Variants in GTF3C1 observed in about 807,000 individuals in gnomAD.
The protein encoded by GTF3C1 is general transcription factor 3C polypeptide 1.
In GTF3C1, 57 loss-of-function variants were observed where a neutral mutation model predicts 226.7. The ratio of observed to expected loss-of-function variants is 0.25; its 90% CI spans 0.20 to 0.31. The LOEUF is 0.31. Ranked by LOEUF, GTF3C1 falls within the 10% of genes least tolerant of loss-of-function variation. GTF3C1 has a pLI of 1.00. For synonymous variants in GTF3C1, 1,090 were observed against 1,084.8 expected, an observed-to-expected ratio of 1.00 and a Z score of -0.09; for missense variants, 2,217 against 2,776.1, an observed-to-expected ratio of 0.80 and a Z score of 4.53.
chr16:27,461,583 G>C lies in GTF3C1; in HGVS notation c.6118-21C>G, dbSNP rs1334981620. On this transcript the variant is annotated intron_variant, in intron 36 of 36. Transcript: ENST00000356183. The surrounding 1 kb of genome is among the most constrained non-coding windows in gnomAD (Gnocchi z 5.3). ...AGGCCCTGGAGACACCAGACACACA[G>C]GTTACAGCGGCACTGCCCTCGCCTG... The C allele has an allele frequency of 6.4e-7, 1 of 1,562,390 alleles. No homozygotes were observed. Among genetic ancestry groups the C allele is most frequent in the Non-Finnish European group, 8.8e-7 (1 of 1,134,420 alleles).
chr16:27,508,702 T>G (rs1327101333), intron 7 of GTF3C1, 47 bp from the exon 8 acceptor site: 1 of 1,399,024 alleles, frequency 7.1e-7, no homozygotes, highest in Non-Finnish European at 1.0e-6. Context: ...AAAGGAGCTG[T>G]TCTGCACAAG....
At chr16:27,528,232 A>T (rs1460777913) in intron 6 of GTF3C1, among the ~76,000 whole-genome samples, 1 of 152,190 alleles carries the variant, frequency 6.6e-6, no homozygotes. Flanking sequence ...CAGAGATCGC[A>T]CCACTGCACT....
Position 27,470,055 on chromosome 16 carries a change from G to A in GTF3C1, c.4814+53C>T, listed in dbSNP as rs1383099984. On this transcript the variant is annotated intron_variant, in intron 31 of 36. Transcript: ENST00000356183. The surrounding 1 kb of genome is among the most constrained non-coding windows in gnomAD (Gnocchi z 4.9). ...TGCTGACCCCTGCCCGTCTGTATCT[G>A]GCCAATGCCTAGCACGTGGCCAGAC... is the stretch of plus-strand genomic sequence containing the variant. The A allele has an allele frequency of 2.7e-6, 4 of 1,468,864 alleles. No homozygotes were observed. Among genetic ancestry groups the A allele is most frequent in the Non-Finnish European group, 3.8e-6 (4 of 1,065,366 alleles). 91.0% of individuals were successfully genotyped at this position (1,468,864 alleles called of 1,614,324 possible).
Position 27,491,935 on chromosome 16 carries a change from C to T in GTF3C1, c.3151+403G>A, listed in dbSNP as rs72784363. ...AGCCCTGGAATAAACACCACCCCAA[C>T]CAACACCTAGGCCCTCACTGCACTC... On this transcript the variant is annotated intron_variant, in intron 19 of 36. Transcript: ENST00000356183. Among the ~76,000 whole-genome samples, 1,129 of 152,310 alleles carry T rather than the reference C, an allele frequency of 7.4e-3. 7 individuals are homozygous for T. Among genetic ancestry groups the T allele is most frequent in the Middle Eastern group, 0.014 (4 of 294 alleles).
chr16:27,476,723 C>T (rs1247950322), intron 28 of GTF3C1, among the ~76,000 whole-genome samples, 179 bp from the exon 29 acceptor site: 2 of 152,194 alleles, frequency 1.3e-5, no homozygotes, highest in Non-Finnish European at 2.9e-5. Context: ...TCCATTTCTG[C>T]AGGAGAAAAG....
At chr16:27,512,810 C>T (rs2088595471) in intron 6 of GTF3C1, among the ~76,000 whole-genome samples, 1 of 152,146 alleles carries the variant, frequency 6.6e-6, no homozygotes, top group South Asian at 2.1e-4. Context: ...TTCCAACAAC[C>T]CTCGGATGAA....
At chr16:27,510,046 C>T (rs1004498958) in intron 7 of GTF3C1, among the ~76,000 whole-genome samples, 5 of 152,064 alleles carry the variant, frequency 3.3e-5, no homozygotes, top group African/African-American at 9.6e-5. Context: ...GTTAGGAGTT[C>T]GAGACCCACC....
chr16:27,543,891 G>C (rs763204412), intron 2 of GTF3C1, among the ~76,000 whole-genome samples: 3 of 152,186 alleles, frequency 2.0e-5, no homozygotes, highest in African/African-American at 2.4e-5. Flanking sequence ...ACTGTGAAGT[G>C]ATAAAGTCAG....
At position 27,537,816 on chromosome 16, in the gene GTF3C1, G is replaced by A. The variant is rs746513341; in HGVS notation, c.720C>T (p.Ile240=). The A allele has an allele frequency of 6.8e-6, 11 of 1,611,960 alleles. No individual in the cohort carries two copies. The African/African-American group carries it at 1.5e-4, about 22-fold the overall frequency. ...RLPTGAQQHS[I]LLLLNRFHVD... ...CATGAAACCGGTTCAGTAGGAGGAG[G>A]ATTGAGTGTTGCTGGGCTCCAGTGG... is the stretch of plus-strand genomic sequence containing the variant. Residue 240 remains isoleucine, a synonymous_variant, in exon 4 of 37, where the codon ATC becomes ATT. Transcript: ENST00000356183.
chr16:27,539,096 A>G (rs926906585), intron 2 of GTF3C1, among the ~76,000 whole-genome samples: 1 of 148,874 alleles, frequency 6.7e-6, no homozygotes, highest in Non-Finnish European at 1.5e-5. Context: ...TCACCAGGAC[A>G]TCCTCAGTGC....
intron 12 of GTF3C1, among the ~76,000 whole-genome samples, 172 bp downstream of exon 12, chr16:27,501,019 G>A (rs1270622745): frequency 6.6e-6 from 1 of 152,188 alleles, no homozygotes; most frequent in East Asian, 1.9e-4. Context: ...GCAAGTTTTT[G>A]CTCTTTTCTG....
chr16:27,528,835 G>T, intron 5 of GTF3C1, 114 bp from the exon 6 acceptor site: 1 of 1,048,252 alleles, frequency 9.5e-7, no homozygotes. Context: ...TTATCTTGAG[G>T]TACTAATGAG....
In GTF3C1 at chr16:27,489,741, C is replaced by T. The variant is rs912117292; in HGVS notation, c.3154G>A (p.Val1052Met). The change falls in exon 20 of 37, where the codon GTG (valine) becomes ATG (methionine). Residue 1052 changes from valine to methionine, a missense_variant and splice_region_variant. Physicochemically the swap from Val to Met is conservative, Grantham distance 21. Transcript: ENST00000356183. ...TTCCTGACGCGCGGGCAGCGCACCA[C>T]GCCTGGAAAACCAAACATCAGGGTG... ...QCVCLNTPLG[V>M]VRCPRVRKNS... 32 of 1,610,464 alleles carry T rather than the reference C, an allele frequency of 2.0e-5. No homozygotes were observed. Among genetic ancestry groups the T allele is most frequent in the Non-Finnish European group, 2.4e-5 (28 of 1,179,488 alleles).
At chr16:27,479,243 T>A (rs1222777601) in intron 27 of GTF3C1, among the ~76,000 whole-genome samples, 1 of 152,070 alleles carries the variant, frequency 6.6e-6, no homozygotes, top group Non-Finnish European at 1.5e-5. Context: ...TTATTATTCA[T>A]CAATTAAAAC....
rs888414272 is a variant in GTF3C1 at position 27,495,399 on chromosome 16, G to C, written c.2444C>G (p.Pro815Arg). The C allele has an allele frequency of 6.2e-7, 1 of 1,613,972 alleles. No homozygotes were observed. Among genetic ancestry groups the C allele is most frequent in the African/African-American group, 1.3e-5 (1 of 74,942 alleles). The part of the protein sequence containing the change: ...MFLWYLIYGH[P>R]ASNTVEKPSF... ...TGGCTTCTCCACGGTGTTGCTGGCA[G>C]GGTGCCCGTAGATGAGGTACCACAG... is the stretch of plus-strand genomic sequence containing the variant. The change falls in exon 15 of 37, where the codon CCT (proline) becomes CGT (arginine). Residue 815 changes from proline to arginine, a missense_variant. Around this residue, in one of 12 missense-constraint regions of GTF3C1, gnomAD observed 353 missense variants for 411.7 expected, o/e 0.86. Transcript: ENST00000356183.
intron 6 of GTF3C1, among the ~76,000 whole-genome samples, chr16:27,527,981 A>G (rs2088858761): frequency 6.6e-6 from 1 of 152,136 alleles, no homozygotes. Flanking sequence ...CTCAAAAAAA[A>G]AAAAAAAAGA....
chr16:27,464,821 G>C lies in GTF3C1; in HGVS notation c.5371C>G (p.His1791Asp), dbSNP rs760530604. 2 of 1,514,864 alleles carry C rather than the reference G, an allele frequency of 1.3e-6. No homozygotes were observed. Among genetic ancestry groups the C allele is most frequent in the Non-Finnish European group, 1.8e-6 (2 of 1,141,328 alleles). The allele number at this position is 1,514,864 out of a possible 1,614,324, so 93.8% of individuals were successfully genotyped here. A position where few individuals can be genotyped will look rare whatever the true frequency, so the allele number is the denominator to read the frequency against. The change falls in exon 34 of 37, where the codon CAT becomes GAT. Residue 1791 changes from histidine (H) to aspartate (D), a missense_variant. Transcript: ENST00000356183. Reference sequence around the variant, plus strand: ...TTGCCACCGACCTCCAGCACCTGATGCTGCTCCAGGAGGGCCTGGGGAGGC... The same window carrying C: ...TTGCCACCGACCTCCAGCACCTGATCCTGCTCCAGGAGGGCCTGGGGAGGC... ...ADCIQALLEQHQVLEVGGNTA... is the reference protein window; with the variant it reads ...ADCIQALLEQDQVLEVGGNTA...
At chr16:27,513,026 T>C (rs192406402) in intron 6 of GTF3C1, among the ~76,000 whole-genome samples, 14 of 152,342 alleles carry the variant, frequency 9.2e-5, no homozygotes, top group Admixed American at 7.8e-4. Flanking sequence ...TTGCCTTCCA[T>C]GGCCAAAGGG....
chr16:27,491,147 G>A (rs752239566), intron 19 of GTF3C1, among the ~76,000 whole-genome samples: 33 of 152,192 alleles, frequency 2.2e-4, no homozygotes, highest in Non-Finnish European at 4.4e-4. Context: ...AAATACAAGT[G>A]CTATTACTCT....
Sources: gnomAD v4.1 joint callset for allele counts (sites outside exome capture counted in the v4.1 genomes callset) on GRCh38, gnomAD v4.1.1 for gene constraint, gnomAD v4.1.1 regional missense constraint, Gnocchi (gnomAD v3.1) non-coding constraint, MANE v1.5 for transcripts, NCBI Gene and HGNC (gene_info 2026-07-23, HGNC 2026-07-21) for gene names.